Variants in ABAT observed in about 807,000 individuals in gnomAD.
The protein encoded by ABAT is 4-aminobutyrate aminotransferase, mitochondrial.
In ABAT, 45 loss-of-function variants were observed where a neutral mutation model predicts 64.6. The observed-to-expected ratio is 0.70, with a 90% confidence interval of 0.55 to 0.89. The LOEUF (loss-of-function observed/expected upper bound fraction) is 0.89. ABAT is among the 40% of genes least tolerant of loss of function. The pLI is 0.00. For synonymous variants in ABAT, 297 were observed against 250.5 expected (o/e 1.19, Z -1.75); for missense variants, 633 against 658.4 (o/e 0.96, Z 0.42).
chr16:8,747,931 A>G (rs546061958), intron 3 of ABAT, among the ~76,000 whole-genome samples, 177 bp from the exon 4 acceptor site: 1 of 152,304 alleles, frequency 6.6e-6, no homozygotes, highest in East Asian at 1.9e-4. Flanking sequence ...GTGTAATGGA[A>G]TAGTTTCCTG....
At chr16:8,713,806 A>G in intron 1 of ABAT, 1 of 454,960 alleles carries the variant, frequency 2.2e-6, no homozygotes, top group Non-Finnish European at 4.4e-6. Context: ...AGAATGGCAT[A>G]CAGAAGGCAT....
rs368568293 is a variant in ABAT at position 8,743,444 on chromosome 16, T to TATATATAC, written c.71-2556_71-2555insTATATACA. On this transcript the variant is annotated intron_variant, in intron 2 of 15. Transcript: ENST00000268251. ...ACAGTTATATATATATATATATATA[T>TATATATAC]ACACACATTTTATAATATATTATAT... is the stretch of plus-strand genomic sequence containing the variant. Among the ~76,000 whole-genome samples the TATATATAC allele has an allele frequency of 2.2e-4, 26 of 117,670 alleles. 3 individuals are homozygous for TATATATAC. The highest frequency in any genetic ancestry group is 3.4e-4 in the African/African-American group (9 of 26,808). The allele number at this position is 117,670 out of a possible 152,430, so 77.2% of individuals were successfully genotyped here.
chr16:8,747,776 T>G (rs565959901), intron 3 of ABAT, among the ~76,000 whole-genome samples: 12 of 152,304 alleles, frequency 7.9e-5, no homozygotes, highest in Non-Finnish European at 1.5e-4. Context: ...GTTAACACCT[T>G]TTTTCCCCTA....
At chr16:8,685,215 A>C (rs560294543) in intron 1 of ABAT, among the ~76,000 whole-genome samples, 5 of 151,922 alleles carry the variant, frequency 3.3e-5, no homozygotes, top group African/African-American at 1.2e-4. Flanking sequence ...GAGCCTGGGA[A>C]GGGGAGGTTG....
In ABAT at chr16:8,768,837, C is replaced by G. The variant is rs1223056561; in HGVS notation, c.680C>G (p.Thr227Ser). 17 of 1,614,074 alleles carry G rather than the reference C, an allele frequency of 1.1e-5. No homozygotes were observed. The highest frequency in any genetic ancestry group is 1.6e-4 in the Middle Eastern group (1 of 6,084). The change falls in exon 11 of 16, where the codon ACC becomes AGC. Residue 227 changes from threonine (T) to serine (S), a missense_variant. Coordinates refer to ENST00000268251, the MANE Select transcript of ABAT (RefSeq NM_020686.6). Reference protein sequence around the residue: ...FHGRTMGCLATTHSKAIHKID... With the variant: ...FHGRTMGCLASTHSKAIHKID... ...TTGCTGAACTCAGGTTGCTTAGCGA[C>G]CACGCACTCTAAAGCCATTCACAAG...
Position 8,774,958 on chromosome 16 carries a change from T to G in ABAT, c.1023T>G (p.His341Gln). 1 of 1,614,178 alleles carries G rather than the reference T, an allele frequency of 6.2e-7. No homozygotes were observed. The change falls in exon 13 of 16, where the codon CAT becomes CAG. Residue 341 changes from histidine (H) to glutamine (Q), a missense_variant. Transcript: ENST00000268251. ...GCTGCACGGGCAAGTTCTGGGCCCA[T>G]GAGCACTGGGGCCTGGATGACCCAG... ...GGGCTGKFWA[H>Q]EHWGLDDPAD...
At position 8,692,729 on chromosome 16, in the gene ABAT, C is replaced by G. The variant is rs144782723; in HGVS notation, c.-42+18018C>G. ...TGCATTTCTATCTTGAAGGAGCAAG[C>G]AAACATGCAAATCTCTTGCCTTGCC... On this transcript the variant is annotated intron_variant, in intron 1 of 15. Coordinates refer to ENST00000268251, the MANE Select transcript of ABAT (RefSeq NM_020686.6). Among the ~76,000 whole-genome samples the G allele has an allele frequency of 4.0e-3, 611 of 152,362 alleles. 3 individuals carry two copies. Among genetic ancestry groups the G allele is most frequent in the African/African-American group, 0.014 (583 of 41,588 alleles).
intron 1 of ABAT, among the ~76,000 whole-genome samples, chr16:8,679,518 A>G (rs1358148686): frequency 8.4e-6 from 1 of 119,020 alleles, no homozygotes; most frequent in Non-Finnish European, 1.8e-5. Flanking sequence ...AGGAAAAAAC[A>G]TGAAAGCCAA....
At chr16:8,754,737 A>C (rs1268008567) in intron 5 of ABAT, among the ~76,000 whole-genome samples, 1 of 143,920 alleles carries the variant, frequency 6.9e-6, no homozygotes. Context: ...TTTTTTCTTG[A>C]AAACGGAGTC....
intron 1 of ABAT, among the ~76,000 whole-genome samples, chr16:8,707,379 CAG>C (rs1397948627): frequency 1.3e-4 from 12 of 89,616 alleles, no homozygotes; most frequent in Non-Finnish European, 2.6e-4. Context: ...TTAGCGGAGA[CAG>C]GGTTTCACTA....
intron 1 of ABAT, chr16:8,713,961 G>A: frequency 2.2e-6 from 1 of 454,996 alleles, no homozygotes; most frequent in South Asian, 1.6e-5. Flanking sequence ...GTCAGTGCCT[G>A]TTATCTGTGG....
chr16:8,717,845 G>C (rs748166895), intron 1 of ABAT, among the ~76,000 whole-genome samples: 82 of 151,612 alleles, frequency 5.4e-4, no homozygotes, highest in Non-Finnish European at 1.1e-3. Flanking sequence ...TTTAGAGATG[G>C]GGTCTCGCTC....
At chr16:8,733,336 TCA>T (rs1246769752) in intron 1 of ABAT, among the ~76,000 whole-genome samples, 6 of 150,448 alleles carry the variant, frequency 4.0e-5, no homozygotes, top group Middle Eastern at 3.4e-3. Flanking sequence ...GAGACGCTCC[TCA>T]CTTTCCAGAC....
At position 8,677,899 on chromosome 16, in the gene ABAT, G is replaced by GA. The variant is rs544704106; in HGVS notation, c.-42+3198dup. ...AAAACCCCATCTCTGTAAAATACAG[G>GA]AAAAAAAAAATCAGCTGGTCATGGT... On this transcript the variant is annotated intron_variant, in intron 1 of 15. Coordinates refer to ENST00000268251, the MANE Select transcript of ABAT (RefSeq NM_020686.6). Among the ~76,000 whole-genome samples the GA allele has an allele frequency of 4.4e-4, 66 of 149,602 alleles. 1 individual carries two copies. Among genetic ancestry groups the GA allele is most frequent in the Admixed American group, 3.3e-3 (50 of 15,006 alleles).
chr16:8,696,971 A>T (rs958362809), intron 1 of ABAT, among the ~76,000 whole-genome samples: 3 of 152,202 alleles, frequency 2.0e-5, no homozygotes, highest in Non-Finnish European at 2.9e-5. Flanking sequence ...TGTAACTTAC[A>T]TTGCGCGTCG....
chr16:8,678,955 T>C (rs1234795993), intron 1 of ABAT, among the ~76,000 whole-genome samples: 1 of 152,182 alleles, frequency 6.6e-6, no homozygotes, highest in African/African-American at 2.4e-5. Context: ...AGATAGTATG[T>C]ATGTATGAGA....
At chr16:8,778,217 T>A (rs1198165574) in intron 14 of ABAT, among the ~76,000 whole-genome samples, 1 of 152,134 alleles carries the variant, frequency 6.6e-6, no homozygotes, top group African/African-American at 2.4e-5. Context: ...CTGTAAAAAA[T>A]CACCACAAAC....
chr16:8,761,169 A>G (rs1453676388), intron 6 of ABAT, among the ~76,000 whole-genome samples: 1 of 151,692 alleles, frequency 6.6e-6, no homozygotes, highest in Non-Finnish European at 1.5e-5. Flanking sequence ...CCCTGCCAGG[A>G]GCTTCCCCCA....
chr16:8,745,876 G>A (rs540035609), intron 2 of ABAT, 125 bp from the exon 3 acceptor site: 1 of 852,536 alleles, frequency 1.2e-6, no homozygotes, highest in East Asian at 2.6e-5. Flanking sequence ...TTCTGGGGTG[G>A]TCTGGCTGGG....
Sources: gnomAD v4.1 joint callset for allele counts (sites outside exome capture counted in the v4.1 genomes callset) on GRCh38, gnomAD v4.1.1 for gene constraint, MANE v1.5 for transcripts, NCBI Gene and HGNC (gene_info 2026-07-23, HGNC 2026-07-21) for gene names.